TGM6: variants seen among roughly 807,000 people sequenced by gnomAD.
TGM6 encodes transglutaminase 6, also known as protein-glutamine gamma-glutamyltransferase 6.
Under a neutral mutation model 77.5 loss-of-function variants are expected in TGM6, and 74 were observed. The ratio of observed to expected loss-of-function variants is 0.96; its 90% confidence interval spans 0.79 to 1.16. TGM6 has a LOEUF of 1.16. Ranked by LOEUF, TGM6 falls within the 50% of genes most tolerant of loss-of-function variation. The pLI is 0.00. For synonymous variants in TGM6, 383 were observed against 378.9 expected, an observed-to-expected ratio of 1.01 and a Z score of -0.12; for missense variants, 968 against 940.2, an observed-to-expected ratio of 1.03 and a Z score of -0.39.
rs775845012 is a variant in TGM6, at chr20:2,430,875, T to C, written c.1834-19T>C. On this transcript the variant is annotated intron_variant, in intron 11 of 12. Transcript: ENST00000202625. Reference sequence around the variant, plus strand: ...GAGGAGGGGTAGGCGCGATGGCTCATGGGTGTTGTCCCCTTCAGGTTCTGG... The same window carrying C: ...GAGGAGGGGTAGGCGCGATGGCTCACGGGTGTTGTCCCCTTCAGGTTCTGG... 6.2e-7 allele frequency: 1 copy of C among 1,614,112 alleles called. No homozygotes were observed. Among genetic ancestry groups the C allele is most frequent in the Non-Finnish European group, 8.5e-7 (1 of 1,180,012 alleles).
In TGM6 at chr20:2,395,306, C is replaced by G. The variant is rs1292170721; in HGVS notation, c.294C>G (p.Thr98=). ...AREAQMEKTL[T]VSLASPPSAV... The stretch of plus-strand genomic sequence containing the variant: ...AGGCTCAGATGGAGAAAACTCTGAC[C>G]GTCAGTCTCGCCAGCCCTCCCAGTG... The change falls in exon 3 of 13, where the codon ACC becomes ACG. Residue 98 remains threonine, a synonymous_variant. Coordinates refer to ENST00000202625, the MANE Select transcript of TGM6 (RefSeq NM_198994.3). 3 of 1,614,178 alleles carry G rather than the reference C, an allele frequency of 1.9e-6. No homozygotes were observed. The highest frequency in any genetic ancestry group is 2.5e-6 in the Non-Finnish European group (3 of 1,180,028).
intron 9 of TGM6, among the ~76,000 whole-genome samples, chr20:2,414,969 T>C (rs2084805923): frequency 6.6e-6 from 1 of 151,346 alleles, no homozygotes; most frequent in Admixed American, 6.6e-5. Context: ...TAAAATTAGA[T>C]TGTGGTGACG....
rs141258102 is a variant in TGM6, at chr20:2,432,490, C to G, written c.1968C>G (p.Asp656Glu). 2.5e-6 allele frequency: 4 copies of G among 1,613,902 alleles called. No individual in the cohort carries two copies. Among genetic ancestry groups the G allele is most frequent in the Non-Finnish European group, 3.4e-6 (4 of 1,180,006 alleles). The change falls in exon 13 of 13, where the codon GAC becomes GAG. Residue 656 changes from aspartate (D) to glutamate (E), a missense_variant and splice_region_variant. Transcript: ENST00000202625. ...SGLLQEQLSI[D>E]VPTLEPQERA... The stretch of plus-strand genomic sequence containing the variant: ...CCTTTCTCCCCTCCCCTTCCTCCAG[C>G]GTGCCTACCCTGGAGCCTCAGGAGA...
At chr20:2,413,731 C>T (rs1033808624) in intron 9 of TGM6, among the ~76,000 whole-genome samples, 8 of 152,130 alleles carry the variant, frequency 5.3e-5, no homozygotes, top group African/African-American at 9.7e-5. Context: ...CTATCTCACA[C>T]GATACACAAA....
intron 6 of TGM6, 119 bp from the exon 7 acceptor site, chr20:2,400,183 CACAG>C: frequency 2.1e-6 from 3 of 1,404,118 alleles, no homozygotes; most frequent in South Asian, 1.2e-5. Flanking sequence ...GAACTAGACA[CACAG>C]ACAAAGATGG....
intron 10 of TGM6, among the ~76,000 whole-genome samples, chr20:2,425,931 G>A (rs2084884948): frequency 6.6e-6 from 1 of 152,048 alleles, no homozygotes; most frequent in Non-Finnish European, 1.5e-5. Flanking sequence ...TTTCCCTACT[G>A]TGTTATGAAA....
intron 1 of TGM6, among the ~76,000 whole-genome samples, chr20:2,391,843 G>A (rs1022715492): frequency 9.2e-5 from 14 of 152,108 alleles, no homozygotes; most frequent in Non-Finnish European, 1.5e-4. Context: ...GTGGTCTGCC[G>A]ACTATGGGCC....
Position 2,396,487 on chromosome 20 carries a change from C to T in TGM6, c.425-19C>T, listed in dbSNP as rs745420083. 3 of 1,611,744 alleles carry T rather than the reference C, an allele frequency of 1.9e-6. No individual in the cohort carries two copies. In the South Asian group the frequency reaches 3.3e-5, roughly 18 times the overall value. On this transcript the variant is annotated intron_variant, in intron 3 of 12. Coordinates refer to ENST00000202625, the MANE Select transcript of TGM6 (RefSeq NM_198994.3). Reference sequence around the variant, plus strand: ...GGCCAGAGCCCCAGTCCACACCGGGCCTGATGACTGCTTTTCAGAGGACGA... The same window carrying T: ...GGCCAGAGCCCCAGTCCACACCGGGTCTGATGACTGCTTTTCAGAGGACGA...
At chr20:2,385,252 T>G (rs1178536061) in intron 1 of TGM6, among the ~76,000 whole-genome samples, 2 of 151,684 alleles carry the variant, frequency 1.3e-5, no homozygotes, top group Non-Finnish European at 2.9e-5. Context: ...CCTCAGAGGG[T>G]GATGGGAGCT....
chr20:2,428,769 G>A (rs939820930), intron 10 of TGM6, among the ~76,000 whole-genome samples: 12 of 151,992 alleles, frequency 7.9e-5, no homozygotes, highest in East Asian at 1.9e-4. Flanking sequence ...CTGTGAAAGC[G>A]CTTCCAAGTG....
At chr20:2,401,760 C>T (rs1362550639) in intron 7 of TGM6, among the ~76,000 whole-genome samples, 1 of 152,216 alleles carries the variant, frequency 6.6e-6, no homozygotes, top group East Asian at 1.9e-4. Flanking sequence ...AGGGTATGAA[C>T]CCAGTCTGCC....
At position 2,417,561 on chromosome 20, in the gene TGM6, G is replaced by A. The variant is rs921373876; in HGVS notation, c.1666G>A (p.Gly556Arg). The change falls in exon 10 of 13, where the codon GGG (glycine) becomes AGG (arginine). Residue 556 changes from glycine (G) to arginine (R), a missense_variant. Coordinates refer to ENST00000202625, the MANE Select transcript of TGM6 (RefSeq NM_198994.3). ...ILHESHAVRL[G>R]PQEEKRIPIT... ...GCATGAATCCCACGCCGTGAGGCTG[G>A]GGCCGCAAGAAGGTAAGTGTACGCT... 6.2e-7 allele frequency: 1 copy of A among 1,601,482 alleles called. No homozygotes were observed. The highest frequency in any genetic ancestry group is 8.5e-7 in the Non-Finnish European group (1 of 1,179,624).
At chr20:2,383,727 T>A (rs937449386) in intron 1 of TGM6, among the ~76,000 whole-genome samples, 1 of 151,778 alleles carries the variant, frequency 6.6e-6, no homozygotes, top group African/African-American at 2.4e-5. Flanking sequence ...GAGGGGAGAA[T>A]AACAAGAAAC....
intron 9 of TGM6, among the ~76,000 whole-genome samples, chr20:2,411,151 G>A (rs1404361106): frequency 2.6e-5 from 4 of 152,090 alleles, no homozygotes; most frequent in African/African-American, 9.7e-5. Flanking sequence ...AAAACCAGAT[G>A]ACATCAGAAG....
chr20:2,386,261 G>A (rs867493178), intron 1 of TGM6, among the ~76,000 whole-genome samples: 35 of 152,256 alleles, frequency 2.3e-4, no homozygotes, highest in African/African-American at 6.5e-4. Context: ...ACATATGGCA[G>A]GTCATGGAGG....
intron 12 of TGM6, 77 bp from the exon 13 acceptor site, chr20:2,432,413 G>A: frequency 1.3e-6 from 2 of 1,571,980 alleles, no homozygotes; most frequent in Non-Finnish European, 1.7e-6. Context: ...GGAGCCTGGG[G>A]AGCCGTGGAT....
chr20:2,381,466 T>C (rs1163149000), intron 1 of TGM6, among the ~76,000 whole-genome samples: 3 of 152,214 alleles, frequency 2.0e-5, no homozygotes, highest in Non-Finnish European at 4.4e-5. Context: ...TATATGACCT[T>C]GAGCAAGAAA....
chr20:2,403,595 G>A lies in TGM6; in HGVS notation c.1108G>A (p.Gly370Ser), dbSNP rs148889050. 631 of 1,614,074 alleles carry A rather than the reference G, an allele frequency of 3.9e-4. 3 individuals carry two copies. In the African/African-American group the frequency reaches 7.0e-3, roughly 18 times the overall value. Residue 370 changes from glycine to serine, a missense_variant, in exon 9 of 13, where the codon GGC becomes AGC. By Grantham distance (56) the Gly-to-Ser change is moderately conservative (BLOSUM62 0). Coordinates refer to ENST00000202625, the MANE Select transcript of TGM6 (RefSeq NM_198994.3). Reference sequence around the variant, plus strand: ...CTCCTGCCCAGGTGTGTTCCGGTGCGGCCCAGCCTCAGTCACCGCCATCCG... The same window carrying A: ...CTCCTGCCCAGGTGTGTTCCGGTGCAGCCCAGCCTCAGTCACCGCCATCCG... ...QEESEGVFRC[G>S]PASVTAIREG...
At position 2,409,601 on chromosome 20, in the gene TGM6, A is replaced by G. The variant is rs141716601; in HGVS notation, c.1336+5778A>G. Among the ~76,000 whole-genome samples the G allele has an allele frequency of 4.9e-3, 746 of 151,878 alleles. 9 individuals are homozygous for G. Among genetic ancestry groups the G allele is most frequent in the African/African-American group, 0.016 (678 of 41,328 alleles). On this transcript the variant is annotated intron_variant, in intron 9 of 12. Transcript: ENST00000202625. ...GGGGCATGCACCTATAGTTCCAGCT[A>G]CTCGGGAGGCTGAGGCAAGAGAATC...
Sources: allele counts gnomAD v4.1 joint callset (sites outside exome capture counted in the v4.1 genomes callset), GRCh38; gene constraint gnomAD v4.1.1; transcripts MANE v1.5; gene names NCBI Gene and HGNC (gene_info 2026-07-23, HGNC 2026-07-21).